Variants in ADAM2 observed in about 807,000 individuals in gnomAD.
ADAM2 encodes disintegrin and metalloproteinase domain-containing protein 2.
A neutral mutation model predicts 99.3 loss-of-function variants in ADAM2; 101 were observed. The ratio of observed to expected loss-of-function variants is 1.02; its 90% CI spans 0.87 to 1.20. The LOEUF (loss-of-function observed/expected upper bound fraction) is 1.20. ADAM2 is among the 50% of genes most tolerant of loss of function. ADAM2 has a pLI of 0.00. For synonymous variants in ADAM2, 323 were observed against 287.6 expected, an observed-to-expected ratio of 1.12 and a Z score of -1.25; for missense variants, 948 against 878.7, an observed-to-expected ratio of 1.08 and a Z score of -1.00.
intron 3 of ADAM2, among the ~76,000 whole-genome samples, chr8:39,827,238 T>A (rs1805446241): frequency 6.6e-6 from 1 of 152,096 alleles, no homozygotes; most frequent in South Asian, 2.1e-4. Flanking sequence ...GGAGAACAAG[T>A]GTTGGCAAGG....
chr8:39,750,843 G>A (rs661832), intron 16 of ADAM2, among the ~76,000 whole-genome samples: 87,514 of 152,010 alleles, frequency 0.58, 25,386 homozygotes, highest in East Asian at 0.86. Flanking sequence ...ATCAAATAAT[G>A]CTATGTTTCA....
chr8:39,749,520 A>C, intron 17 of ADAM2, 70 bp from the exon 18 acceptor site: 2 of 1,544,052 alleles, frequency 1.3e-6, no homozygotes, highest in Non-Finnish European at 1.8e-6. Flanking sequence ...TAGAATTATA[A>C]AATAATATGT....
chr8:39,814,588 T>C (rs1472116297), intron 6 of ADAM2, among the ~76,000 whole-genome samples: 3 of 152,098 alleles, frequency 2.0e-5, no homozygotes, highest in Non-Finnish European at 2.9e-5. Flanking sequence ...TATTCAGATT[T>C]AAAAACGTCA....
intron 10 of ADAM2, among the ~76,000 whole-genome samples, chr8:39,782,343 A>T (rs1803267861): frequency 6.6e-6 from 1 of 152,152 alleles, no homozygotes; most frequent in African/African-American, 2.4e-5. Flanking sequence ...TGTGTTCACC[A>T]TGTCATACTC....
chr8:39,804,724 C>A (rs1191417643), intron 7 of ADAM2, among the ~76,000 whole-genome samples: 2 of 152,020 alleles, frequency 1.3e-5, no homozygotes, highest in African/African-American at 2.4e-5. Flanking sequence ...GGACAGTCAT[C>A]AAAATGCTAA....
chr8:39,783,901 C>T (rs370914488), intron 10 of ADAM2, among the ~76,000 whole-genome samples: 17 of 151,648 alleles, frequency 1.1e-4, no homozygotes, highest in South Asian at 2.1e-4. Context: ...GTCAAGATCG[C>T]GCCACCCCAT....
chr8:39,833,908 A>G, intron 3 of ADAM2, 36 bp downstream of exon 3: 2 of 1,129,576 alleles, frequency 1.8e-6, no homozygotes, highest in Non-Finnish European at 2.7e-6. Context: ...TATAAGTAGA[A>G]CAAAGAGAAT....
intron 6 of ADAM2, among the ~76,000 whole-genome samples, chr8:39,812,145 A>C (rs1202025642): frequency 3.3e-5 from 5 of 152,220 alleles, no homozygotes; most frequent in Non-Finnish European, 7.3e-5. Flanking sequence ...ACAAACAGAG[A>C]GCCAAATCAT....
Position 39,767,252 on chromosome 8 carries a change from C to G in ADAM2, c.1213-1G>C. ...ATGTTTCTCCAATAAGGGCACAATCCTGTAAGGCAAATCAAATGCTCTGAA... is the reference window on the plus strand; with the variant it reads ...ATGTTTCTCCAATAAGGGCACAATCGTGTAAGGCAAATCAAATGCTCTGAA... On this transcript the variant is annotated splice_acceptor_variant, in intron 12 of 20. Transcript: ENST00000265708. LOFTEE classifies it high-confidence loss of function. The G allele has an allele frequency of 6.3e-7, 1 of 1,598,670 alleles. No individual in the cohort carries two copies. Among genetic ancestry groups the G allele is most frequent in the South Asian group, 1.1e-5 (1 of 88,870 alleles).
At chr8:39,760,515 A>G (rs1802309229) in intron 15 of ADAM2, among the ~76,000 whole-genome samples, 1 of 152,012 alleles carries the variant, frequency 6.6e-6, no homozygotes, top group Admixed American at 6.5e-5. Context: ...AGGTCAGGAG[A>G]TCAAGACCAT....
At chr8:39,753,214 T>C (rs1253154007) in intron 16 of ADAM2, among the ~76,000 whole-genome samples, 2 of 152,108 alleles carry the variant, frequency 1.3e-5, no homozygotes, top group African/African-American at 4.8e-5. Context: ...CAGATGGAAA[T>C]GAGGAACTTC....
intron 10 of ADAM2, among the ~76,000 whole-genome samples, chr8:39,780,523 C>A (rs539912217): frequency 1.3e-5 from 2 of 152,216 alleles, no homozygotes; most frequent in South Asian, 4.1e-4. Flanking sequence ...TGCACATTAA[C>A]CTCTGCCACC....
chr8:39,749,471 A>C, intron 17 of ADAM2, 21 bp from the exon 18 acceptor site: 1 of 1,600,568 alleles, frequency 6.2e-7, no homozygotes, highest in Non-Finnish European at 8.5e-7. Flanking sequence ...GAGAAATATC[A>C]CCTTATAAGA....
intron 7 of ADAM2, among the ~76,000 whole-genome samples, chr8:39,793,501 T>G (rs1803805154): frequency 6.6e-6 from 1 of 152,070 alleles, no homozygotes; most frequent in Admixed American, 6.6e-5. Context: ...AAGGTAGAGA[T>G]TACAATGAGA....
intron 11 of ADAM2, among the ~76,000 whole-genome samples, chr8:39,772,837 T>C (rs938132359): frequency 1.3e-5 from 2 of 151,940 alleles, no homozygotes; most frequent in Non-Finnish European, 2.9e-5. Flanking sequence ...TCTAATATTT[T>C]GTATTTTAAA....
chr8:39,747,541 G>T lies in ADAM2; in HGVS notation c.2015-910C>A, dbSNP rs143800740. 2.0e-5 allele frequency among the ~76,000 whole-genome samples: 3 copies of T among 152,248 alleles called. No individual in the cohort carries two copies. The East Asian group carries it at 5.8e-4, about 29-fold the overall frequency. ...AAGTTTTTCTGAGATTTTAACAGAG[G>T]TGTTTACAGTCAAAGGCCTTGCTTA... On this transcript the variant is annotated intron_variant, in intron 18 of 20. Transcript: ENST00000265708.
chr8:39,790,260 A>G (rs1478638518), intron 7 of ADAM2, among the ~76,000 whole-genome samples: 1 of 151,998 alleles, frequency 6.6e-6, no homozygotes, highest in Non-Finnish European at 1.5e-5. Context: ...GTTATTCATA[A>G]TAGCTTAAAA....
In ADAM2 at chr8:39,810,122, AG is replaced by A. The variant is rs540056917; in HGVS notation, c.514-657del. On this transcript the variant is annotated intron_variant, in intron 6 of 20. Coordinates refer to ENST00000265708, the MANE Select transcript of ADAM2 (RefSeq NM_001464.5). ...AGCAAATGGAAAACAAAAAAAAAGCAGGGGTTGTAAACCTAGTCTCTGATAA... is the reference window on the plus strand; with the variant it reads ...AGCAAATGGAAAACAAAAAAAAAGCAGGGTTGTAAACCTAGTCTCTGATAA... Among the ~76,000 whole-genome samples, 12 of 152,290 alleles carry A rather than the reference AG, an allele frequency of 7.9e-5. No homozygotes were observed. In the East Asian group the frequency reaches 2.3e-3, roughly 29 times the overall value.
intron 7 of ADAM2, among the ~76,000 whole-genome samples, chr8:39,807,171 A>G (rs1457296340): frequency 1.3e-5 from 2 of 152,336 alleles, no homozygotes; most frequent in South Asian, 2.1e-4. Context: ...GAGGCTTACA[A>G]TCTAAGTAAA....
Sources: gnomAD v4.1 joint callset for allele counts (sites outside exome capture counted in the v4.1 genomes callset) on GRCh38, gnomAD v4.1.1 for gene constraint, MANE v1.5 for transcripts, NCBI Gene and HGNC (gene_info 2026-07-23, HGNC 2026-07-21) for gene names.